CPXM2: variants seen among roughly 807,000 people sequenced by gnomAD.
CPXM2 encodes carboxypeptidase X, M14 family member 2.
CPXM2 carries 66 observed loss-of-function variants against 86.1 expected under a neutral mutation model. The observed-to-expected ratio is 0.77, with a 90% CI of 0.63 to 0.94. CPXM2 has a LOEUF of 0.94. Among genes scored for constraint, CPXM2 ranks in the 40% least tolerant of loss-of-function variants. The pLI is 0.00. For synonymous variants in CPXM2, 388 were observed against 400.2 expected (o/e 0.97, Z 0.36); for missense variants, 948 against 1,026.3 (o/e 0.92, Z 1.04).
At chr10:123,887,915 A>G (rs1590103801) in intron 1 of CPXM2, among the ~76,000 whole-genome samples, 1 of 152,218 alleles carries the variant, frequency 6.6e-6, no homozygotes, top group South Asian at 2.1e-4. Flanking sequence ...GTTTTTAAAG[A>G]TTCCATTCTG....
intron 4 of CPXM2, among the ~76,000 whole-genome samples, chr10:123,821,242 T>C (rs931285054): frequency 6.6e-6 from 1 of 152,266 alleles, no homozygotes; most frequent in East Asian, 1.9e-4. Flanking sequence ...AAAGTGGACA[T>C]AGAGTTCAAA....
chr10:123,888,740 G>C (rs1195804496), intron 1 of CPXM2, among the ~76,000 whole-genome samples: 1 of 152,194 alleles, frequency 6.6e-6, no homozygotes, highest in Non-Finnish European at 1.5e-5. Flanking sequence ...AAAAATATGA[G>C]ATAAATGTCA....
At position 123,816,029 on chromosome 10, in the gene CPXM2, G is replaced by A. The variant is rs562775142; in HGVS notation, c.654-16830C>T. The stretch of plus-strand genomic sequence containing the variant: ...TAGCTGAAATATGGATTAGAAGATG[G>A]CCCACTGTGAGAGAGGTGGAAATGT... On this transcript the variant is annotated intron_variant, in intron 4 of 13. Transcript: ENST00000241305. 2.0e-5 allele frequency among the ~76,000 whole-genome samples: 3 copies of A among 152,250 alleles called. No individual in the cohort carries two copies. The South Asian group carries it at 6.2e-4, about 32-fold the overall frequency.
At chr10:123,895,112 CTT>C (rs1198158013), upstream of CPXM2, among the ~76,000 whole-genome samples, 2 of 111,678 alleles carry the variant, frequency 1.8e-5, no homozygotes, top group African/African-American at 3.1e-5. Context: ...TTTTTTTTTT[CTT>C]TTTTTTCTTT....
chr10:123,767,632 C>T (rs527882070), intron 9 of CPXM2, among the ~76,000 whole-genome samples: 1 of 152,144 alleles, frequency 6.6e-6, no homozygotes, highest in Non-Finnish European at 1.5e-5. Flanking sequence ...TTGATAGGTA[C>T]CCTTGTTTTA....
rs1564760657 is a variant in CPXM2 at position 123,771,006 on chromosome 10, T to TA, written c.1011dup (p.Ile338TyrfsTer29). ...TTTCCAATGTTGTAAATTCTGGTGATATTGGGACACATTTCATTCACAACT... is the reference window on the plus strand; with the variant it reads ...TTTCCAATGTTGTAAATTCTGGTGATAATTGGGACACATTTCATTCACAACT... On this transcript the variant is annotated frameshift_variant, in exon 8 of 14. Coordinates refer to ENST00000241305, the MANE Select transcript of CPXM2 (RefSeq NM_198148.3). LOFTEE classifies it high-confidence loss of function. The TA allele has an allele frequency of 6.2e-7, 1 of 1,613,348 alleles. No homozygotes were observed. Among genetic ancestry groups the TA allele is most frequent in the Non-Finnish European group, 8.5e-7 (1 of 1,179,272 alleles).
intron 2 of CPXM2, among the ~76,000 whole-genome samples, chr10:123,870,231 T>C (rs1468551248): frequency 6.6e-6 from 1 of 152,134 alleles, no homozygotes; most frequent in Non-Finnish European, 1.5e-5. Context: ...GCATAATCTT[T>C]ACACCACCTC....
intron 3 of CPXM2, among the ~76,000 whole-genome samples, chr10:123,853,070 T>C (rs898436993): frequency 6.6e-6 from 1 of 152,110 alleles, no homozygotes; most frequent in South Asian, 2.1e-4. Flanking sequence ...GATCTCCCCC[T>C]TAGAACTGTG....
rs367728896 is a variant in CPXM2 at position 123,756,887 on chromosome 10, T to C, written c.1917+326A>G. On this transcript the variant is annotated intron_variant, in intron 12 of 13. Coordinates refer to ENST00000241305, the MANE Select transcript of CPXM2 (RefSeq NM_198148.3). ...CTGCCTTGTAAGCCACCTGGTGTTTTGTGATGGCAGCCAGCGTAGACTGAG... is the reference window on the plus strand; with the variant it reads ...CTGCCTTGTAAGCCACCTGGTGTTTCGTGATGGCAGCCAGCGTAGACTGAG... Among the ~76,000 whole-genome samples, 39 of 152,332 alleles carry C rather than the reference T, an allele frequency of 2.6e-4. No homozygotes were observed. The Middle Eastern group carries it at 0.01, about 40-fold the overall frequency.
chr10:123,819,659 G>A (rs1847885102), intron 4 of CPXM2, among the ~76,000 whole-genome samples: 1 of 152,140 alleles, frequency 6.6e-6, no homozygotes, highest in African/African-American at 2.4e-5. Flanking sequence ...TTTGGGCTGG[G>A]GATTGGTGCA....
At chr10:123,938,427 G>C (rs746297574) in intron 2 of CPXM2, among the ~76,000 whole-genome samples, 12 of 152,246 alleles carry the variant, frequency 7.9e-5, no homozygotes, top group Non-Finnish European at 1.6e-4. Context: ...TCCTGATCAT[G>C]AGATGGCTTC....
chr10:123,841,216 A>C (rs955658580), intron 4 of CPXM2, among the ~76,000 whole-genome samples: 57 of 152,272 alleles, frequency 3.7e-4, no homozygotes, highest in Middle Eastern at 6.8e-3. Context: ...AAAGCCCCCA[A>C]GCTCTGCGTG....
rs1945180184 is a variant in CPXM2 at position 123,886,485 on chromosome 10, C to A, written c.304+4871G>T. Reference sequence around the variant, plus strand: ...TGGTTATTTCCCCCTGCAACTGGGGCCCAGCACAGTACAAAATGCAAACTC... The same window carrying A: ...TGGTTATTTCCCCCTGCAACTGGGGACCAGCACAGTACAAAATGCAAACTC... On this transcript the variant is annotated intron_variant, in intron 1 of 13. Transcript: ENST00000241305. Among the ~76,000 whole-genome samples the A allele has an allele frequency of 2.6e-5, 4 of 152,196 alleles. No homozygotes were observed. The South Asian group carries it at 8.3e-4, about 31-fold the overall frequency.
chr10:123,824,262 T>C (rs564414105), intron 4 of CPXM2, among the ~76,000 whole-genome samples: 115 of 152,354 alleles, frequency 7.5e-4, no homozygotes, highest in Non-Finnish European at 1.5e-3. Flanking sequence ...TTGACCACTC[T>C]GCTGGCTGTG....
rs779649789 is a variant in CPXM2 at position 123,757,204 on chromosome 10, G to T, written c.1917+9C>A. The T allele has an allele frequency of 2.5e-6, 4 of 1,612,108 alleles. No individual in the cohort carries two copies. Among genetic ancestry groups the T allele is most frequent in the Admixed American group, 1.7e-5 (1 of 59,940 alleles). On this transcript the variant is annotated intron_variant, in intron 12 of 13. Transcript: ENST00000241305. ...TCCCCCTCATCCCAGCCACACACCC[G>T]CAATATACCTGCTCCATGAACACGA...
intron 4 of CPXM2, among the ~76,000 whole-genome samples, chr10:123,817,502 C>T (rs2134105270): frequency 6.6e-6 from 1 of 152,306 alleles, no homozygotes; most frequent in African/African-American, 2.4e-5. Flanking sequence ...ATCAAGTCAC[C>T]ATGCGACCTC....
intron 2 of CPXM2, among the ~76,000 whole-genome samples, chr10:123,932,769 G>A (rs1369473135): frequency 1.3e-5 from 2 of 152,214 alleles, no homozygotes; most frequent in African/African-American, 4.8e-5. Flanking sequence ...CCAAGTGCAG[G>A]AAGTGTGGGA....
intron 3 of CPXM2, among the ~76,000 whole-genome samples, chr10:123,857,004 A>C (rs1848740601): frequency 6.6e-6 from 1 of 152,214 alleles, no homozygotes; most frequent in Non-Finnish European, 1.5e-5. Context: ...GACTGTTTCT[A>C]AATGAGATCA....
rs1412981689 is a variant in CPXM2, at chr10:123,746,023, C to G, written c.*741G>C. 1.3e-5 allele frequency: 2 copies of G among 152,092 alleles called. No homozygotes were observed. The highest frequency in any genetic ancestry group is 4.8e-5 in the African/African-American group (2 of 41,424). The allele number at this position is 152,092 out of a possible 1,614,324, so 9.4% of individuals were successfully genotyped here. On this transcript the variant is annotated 3_prime_UTR_variant, in exon 14 of 14. Transcript: ENST00000241305. ...AGGCTGGCACCTCTGGCTCTCCCTACCTGGGGAACCTCCAGGGCTACTGGA... is the reference window on the plus strand; with the variant it reads ...AGGCTGGCACCTCTGGCTCTCCCTAGCTGGGGAACCTCCAGGGCTACTGGA...
Sources: allele counts gnomAD v4.1 joint callset (sites outside exome capture counted in the v4.1 genomes callset), GRCh38; gene constraint gnomAD v4.1.1; transcripts MANE v1.5; gene names NCBI Gene and HGNC (gene_info 2026-07-23, HGNC 2026-07-21).